BRINP2: variants seen among roughly 807,000 people sequenced by gnomAD.
BRINP2 encodes the protein BMP/retinoic acid inducible neural specific 2, also known as BMP/retinoic acid-inducible neural-specific protein 2.
A neutral mutation model predicts 69.2 loss-of-function variants in BRINP2; 21 were observed. That is an observed-to-expected ratio of 0.30 (90% CI 0.22 to 0.44). The LOEUF (loss-of-function observed/expected upper bound fraction) is 0.44, where lower values mean the gene tolerates loss of function less well. Among genes scored for constraint, BRINP2 ranks in the 20% least tolerant of loss-of-function variants. The pLI, the probability that BRINP2 is intolerant of heterozygous loss-of-function variation, is 1.00. For missense variants in BRINP2, 877 were observed against 986.0 expected (o/e 0.89, Z 1.48); for synonymous variants, 380 against 394.1 (o/e 0.96, Z 0.42).
At chr1:177,182,478 T>C (rs1428667313) in intron 1 of BRINP2, among the ~76,000 whole-genome samples, 1 of 152,170 alleles carries the variant, frequency 6.6e-6, no homozygotes, top group Non-Finnish European at 1.5e-5. Flanking sequence ...GCTGATTCTT[T>C]ACATACGCTG....
intron 4 of BRINP2, among the ~76,000 whole-genome samples, chr1:177,263,968 CTTATG>C (rs1327822536): frequency 6.6e-6 from 1 of 152,112 alleles, no homozygotes; most frequent in Non-Finnish European, 1.5e-5. Flanking sequence ...GCTGAGTGAT[CTTATG>C]TTATAATTAT....
intron 1 of BRINP2, among the ~76,000 whole-genome samples, chr1:177,182,464 AGCTGCTGATTCTTTACATAC>A (rs1648290002): frequency 6.6e-6 from 1 of 152,138 alleles, no homozygotes; most frequent in Non-Finnish European, 1.5e-5. Flanking sequence ...CCATACAGAC[AGCTGCTGATTCTTTACATAC>A]GCTGCATCAC....
chr1:177,250,523 C>T (rs944169806), intron 2 of BRINP2, among the ~76,000 whole-genome samples: 1 of 152,134 alleles, frequency 6.6e-6, no homozygotes, highest in Non-Finnish European at 1.5e-5. Flanking sequence ...GAACAGGTTT[C>T]ACCATCTTGG....
intron 1 of BRINP2, among the ~76,000 whole-genome samples, chr1:177,191,380 T>C (rs770019865): frequency 3.3e-5 from 5 of 152,148 alleles, no homozygotes; most frequent in Non-Finnish European, 7.4e-5. Context: ...GAGAACAAAC[T>C]GTAGTAGCCC....
chr1:177,257,173 T>C lies in BRINP2; in HGVS notation c.461-3T>C. 1 of 1,613,866 alleles carries C rather than the reference T, an allele frequency of 6.2e-7. No homozygotes were observed. Among genetic ancestry groups the C allele is most frequent in the South Asian group, 1.1e-5 (1 of 91,042 alleles). On this transcript the variant is annotated splice_polypyrimidine_tract_variant and splice_region_variant and intron_variant, in intron 3 of 7. Transcript: ENST00000361539. ...ACCAATACACTCGTGTTGTTCACCA[T>C]AGGAGAAGAGTCCCTGACCATTTTT...
At chr1:177,273,353 C>A in intron 4 of BRINP2, 135 bp from the exon 5 acceptor site, 1 of 515,280 alleles carries the variant, frequency 1.9e-6, no homozygotes, top group Non-Finnish European at 3.5e-6. Context: ...CTCTGGAGTA[C>A]GAAAAGGGAC....
chr1:177,190,720 G>C (rs186092216), intron 1 of BRINP2, among the ~76,000 whole-genome samples: 271 of 152,312 alleles, frequency 1.8e-3, no homozygotes, highest in African/African-American at 6.2e-3. Flanking sequence ...CAGGCAAAGT[G>C]ATACACAGTT....
chr1:177,197,729 T>A (rs1450784203), intron 1 of BRINP2, among the ~76,000 whole-genome samples: 1 of 151,984 alleles, frequency 6.6e-6, no homozygotes, highest in Non-Finnish European at 1.5e-5. Context: ...GGAAGAAAGA[T>A]CATATGCAAA....
intron 1 of BRINP2, among the ~76,000 whole-genome samples, chr1:177,175,740 C>G (rs1648070321): frequency 3.3e-5 from 5 of 152,222 alleles, no homozygotes; most frequent in Admixed American, 3.3e-4. Flanking sequence ...ATTCGGGGAA[C>G]AGGTCTCAAA....
chr1:177,190,651 G>T (rs1648559384), intron 1 of BRINP2, among the ~76,000 whole-genome samples: 2 of 152,146 alleles, frequency 1.3e-5, no homozygotes, highest in African/African-American at 4.8e-5. Flanking sequence ...CTTCACTAAT[G>T]GACCTTAGTT....
chr1:177,177,057 C>G (rs1571880536), intron 1 of BRINP2, among the ~76,000 whole-genome samples: 1 of 152,050 alleles, frequency 6.6e-6, no homozygotes, highest in Non-Finnish European at 1.5e-5. Context: ...TTTCTGTTTT[C>G]TTATCAATAT....
chr1:177,234,857 G>A (rs974620339), intron 2 of BRINP2, among the ~76,000 whole-genome samples: 9 of 152,172 alleles, frequency 5.9e-5, no homozygotes, highest in Admixed American at 2.6e-4. Context: ...TGTGGGATAT[G>A]TATGCAGATT....
chr1:177,194,896 A>G (rs1276540614), intron 1 of BRINP2, among the ~76,000 whole-genome samples: 1 of 152,118 alleles, frequency 6.6e-6, no homozygotes, highest in African/African-American at 2.4e-5. Flanking sequence ...TAGTTGGAAC[A>G]TTTTTGGATT....
In BRINP2 at chr1:177,229,786, T is replaced by C; in HGVS notation, c.-76-15T>C. Reference sequence around the variant, plus strand: ...ACAGGGTGCTCAAATGACAATGCCTTTTGTACTTTTCCAGCTCCGAGCCCT... The same window carrying C: ...ACAGGGTGCTCAAATGACAATGCCTCTTGTACTTTTCCAGCTCCGAGCCCT... On this transcript the variant is annotated splice_polypyrimidine_tract_variant and intron_variant, in intron 1 of 7. Transcript: ENST00000361539. 6.7e-7 allele frequency: 1 copy of C among 1,491,426 alleles called. No homozygotes were observed. The highest frequency in any genetic ancestry group is 9.0e-7 in the Non-Finnish European group (1 of 1,116,092). The allele number at this position is 1,491,426 out of a possible 1,614,324, so 92.4% of individuals were successfully genotyped here.
intron 2 of BRINP2, among the ~76,000 whole-genome samples, chr1:177,244,146 T>G (rs1650299173): frequency 6.6e-6 from 1 of 152,218 alleles, no homozygotes; most frequent in African/African-American, 2.4e-5. Context: ...AGACCTGACT[T>G]GGCTGTGATA....
chr1:177,186,792 T>C (rs2102293445), intron 1 of BRINP2, among the ~76,000 whole-genome samples: 1 of 152,348 alleles, frequency 6.6e-6, no homozygotes, highest in South Asian at 2.1e-4. Flanking sequence ...GAACTTTGCA[T>C]CTTGTTCATT....
At chr1:177,182,829 C>T (rs1324476910) in intron 1 of BRINP2, among the ~76,000 whole-genome samples, 1 of 152,130 alleles carries the variant, frequency 6.6e-6, no homozygotes, top group Non-Finnish European at 1.5e-5. Context: ...TGTGGTACAA[C>T]TCACAGGGTT....
intron 1 of BRINP2, among the ~76,000 whole-genome samples, chr1:177,198,039 G>C (rs919059780): frequency 6.6e-6 from 1 of 152,208 alleles, no homozygotes; most frequent in Non-Finnish European, 1.5e-5. Context: ...GCTGAGGGGG[G>C]AGTGCGACAG....
At chr1:177,230,587 G>A (rs1649837111) in intron 2 of BRINP2, among the ~76,000 whole-genome samples, 1 of 152,230 alleles carries the variant, frequency 6.6e-6, no homozygotes, top group Admixed American at 6.5e-5. Context: ...CTGCCTTAGA[G>A]GTCTGGGGAG....
Sources: allele counts gnomAD v4.1 joint callset (sites outside exome capture counted in the v4.1 genomes callset), GRCh38; gene constraint gnomAD v4.1.1; transcripts MANE v1.5; gene names NCBI Gene and HGNC (gene_info 2026-07-23, HGNC 2026-07-21).